Variants in NBEAL1 observed in about 807,000 individuals in gnomAD.
The protein encoded by NBEAL1 is neurobeachin-like protein 1.
Under a neutral mutation model 351.3 loss-of-function variants are expected in NBEAL1, and 273 were observed. That is an observed-to-expected ratio of 0.78 (90% confidence interval 0.70 to 0.86). NBEAL1 has a LOEUF of 0.86. Among genes scored for constraint, NBEAL1 ranks in the 40% least tolerant of loss-of-function variants. The pLI, the probability that NBEAL1 is intolerant of heterozygous loss-of-function variation, is 0.00. For missense variants in NBEAL1, 2,961 were observed against 3,201.3 expected, an observed-to-expected ratio of 0.92 and a Z score of 1.81; for synonymous variants, 1,050 against 1,086.4, an observed-to-expected ratio of 0.97 and a Z score of 0.66.
chr2:203,102,518 C>T (rs1379336746), intron 12 of NBEAL1, among the ~76,000 whole-genome samples: 2 of 152,070 alleles, frequency 1.3e-5, no homozygotes, highest in African/African-American at 4.8e-5. Flanking sequence ...TAACATGAAG[C>T]GATGCTGAAT....
chr2:203,117,338 C>G (rs2106259406), intron 18 of NBEAL1, among the ~76,000 whole-genome samples: 1 of 152,186 alleles, frequency 6.6e-6, no homozygotes, highest in South Asian at 2.1e-4. Context: ...TGGCGGGCGC[C>G]TGTAGTCCCA....
intron 33 of NBEAL1, among the ~76,000 whole-genome samples, chr2:203,147,847 C>T (rs1030618003): frequency 2.0e-5 from 3 of 151,904 alleles, no homozygotes; most frequent in Non-Finnish European, 4.4e-5. Flanking sequence ...AGTGTGTAGT[C>T]CTTATGATAA....
intron 34 of NBEAL1, among the ~76,000 whole-genome samples, chr2:203,149,534 TC>T (rs2063597444): frequency 6.6e-6 from 1 of 152,164 alleles, no homozygotes; most frequent in South Asian, 2.1e-4. Context: ...AATTATATTA[TC>T]TTTTTTTTAT....
At chr2:203,176,411 A>T (rs978734448) in intron 42 of NBEAL1, among the ~76,000 whole-genome samples, 6 of 151,994 alleles carry the variant, frequency 3.9e-5, no homozygotes, top group Middle Eastern at 3.2e-3. Flanking sequence ...CTGATAGAAG[A>T]TACTTTTCTC....
At chr2:203,065,185 G>A (rs1415180443) in intron 6 of NBEAL1, among the ~76,000 whole-genome samples, 1 of 152,094 alleles carries the variant, frequency 6.6e-6, no homozygotes, top group Non-Finnish European at 1.5e-5. Flanking sequence ...CTTGATCCCA[G>A]GAGTTAGAGG....
At chr2:203,154,274 C>T in intron 35 of NBEAL1, among the ~76,000 whole-genome samples, 1 of 149,826 alleles carries the variant, frequency 6.7e-6, no homozygotes, top group Admixed American at 6.7e-5. Flanking sequence ...GTAATAGTGA[C>T]AATAAAACTG....
Position 203,172,746 on chromosome 2 carries a change from A to G in NBEAL1, c.6216A>G (p.Gln2072=). ...TCTTTTAGTTTCCCTGGATTTTACA[A>G]GATTATACTTCGGAAGAGTTGGACC... ...AQYPVFPWIL[Q]DYTSEELDLN... is the part of the protein sequence containing the mutation. The change falls in exon 41 of 56, where the codon CAA becomes CAG. Residue 2072 remains glutamine, a synonymous_variant. Coordinates refer to ENST00000683969, the MANE Select transcript of NBEAL1 (RefSeq NM_001378026.1). 6.2e-7 allele frequency: 1 copy of G among 1,610,574 alleles called. No homozygotes were observed. Among genetic ancestry groups the G allele is most frequent in the Non-Finnish European group, 8.5e-7 (1 of 1,178,428 alleles).
At chr2:203,072,763 C>T (rs543786943) in intron 7 of NBEAL1, among the ~76,000 whole-genome samples, 7 of 152,246 alleles carry the variant, frequency 4.6e-5, no homozygotes, top group African/African-American at 1.7e-4. Context: ...TCCCTATTTC[C>T]AGCATGCACC....
At chr2:203,190,465 C>A in intron 46 of NBEAL1, 76 bp downstream of exon 46, 1 of 1,028,242 alleles carries the variant, frequency 9.7e-7, no homozygotes, top group South Asian at 1.5e-5. Context: ...ATATTGCAGT[C>A]AAGATCCATG....
chr2:203,216,908 A>G (rs1243111396), intron 55 of NBEAL1, among the ~76,000 whole-genome samples: 1 of 152,160 alleles, frequency 6.6e-6, no homozygotes, highest in East Asian at 1.9e-4. Context: ...GGTTCAAGCA[A>G]TTCTCATGCC....
intron 55 of NBEAL1, among the ~76,000 whole-genome samples, chr2:203,214,213 T>C (rs1462148339): frequency 6.6e-6 from 1 of 152,252 alleles, no homozygotes; most frequent in African/African-American, 2.4e-5. Flanking sequence ...CTCCAGTAAC[T>C]TACTGATTCT....
intron 36 of NBEAL1, among the ~76,000 whole-genome samples, chr2:203,158,822 T>TG (rs1205652851): frequency 2.1e-5 from 3 of 141,834 alleles, no homozygotes; most frequent in East Asian, 4.1e-4. Context: ...AGGGTTTTTT[T>TG]TTTTTTTTTT....
At chr2:203,110,028 G>T (rs2062529935) in intron 14 of NBEAL1, 122 bp from the exon 15 acceptor site, 1 of 963,500 alleles carries the variant, frequency 1.0e-6, no homozygotes, top group South Asian at 2.2e-5. Context: ...TGTGGCAATA[G>T]AATTTAAGCC....
At chr2:203,092,371 T>G (rs1330233733) in intron 10 of NBEAL1, among the ~76,000 whole-genome samples, 11 of 149,480 alleles carry the variant, frequency 7.4e-5, no homozygotes, top group Non-Finnish European at 1.0e-4. Flanking sequence ...CTGGCCAATA[T>G]GGTGAAACCC....
chr2:203,075,009 G>A (rs1225575142), intron 7 of NBEAL1: 2 of 152,510 alleles, frequency 1.3e-5, no homozygotes, highest in African/African-American at 2.4e-5. Context: ...TGGGCCACCA[G>A]AAGGTGGTGA....
intron 49 of NBEAL1, among the ~76,000 whole-genome samples, chr2:203,200,308 C>A (rs1022900014): frequency 6.6e-6 from 1 of 152,082 alleles, no homozygotes; most frequent in Non-Finnish European, 1.5e-5. Context: ...GTCAGGAGAT[C>A]GAGACCATCT....
intron 2 of NBEAL1, among the ~76,000 whole-genome samples, chr2:203,018,204 C>G (rs1559311067): frequency 6.6e-6 from 1 of 151,532 alleles, no homozygotes; most frequent in South Asian, 2.1e-4. Context: ...CCTTATTATT[C>G]TCACTCTAGC....
chr2:203,034,563 A>C (rs560918701), intron 2 of NBEAL1, among the ~76,000 whole-genome samples: 1 of 143,102 alleles, frequency 7.0e-6, no homozygotes, highest in Admixed American at 7.1e-5. Flanking sequence ...TGTTCAAGCA[A>C]CTCTCCTGCC....
intron 2 of NBEAL1, among the ~76,000 whole-genome samples, chr2:203,041,285 C>T (rs1050682194): frequency 6.6e-6 from 1 of 152,098 alleles, no homozygotes; most frequent in Non-Finnish European, 1.5e-5. Flanking sequence ...AGTCCTGGGG[C>T]CTTGTTTTGA....
Sources: allele counts gnomAD v4.1 joint callset (sites outside exome capture counted in the v4.1 genomes callset), GRCh38; gene constraint gnomAD v4.1.1; transcripts MANE v1.5; gene names NCBI Gene and HGNC (gene_info 2026-07-23, HGNC 2026-07-21).